The following URB2 variants were observed in gnomAD, a reference collection of about 807,000 sequenced individuals.
URB2 encodes unhealthy ribosome biogenesis protein 2 homolog.
URB2 carries 86 observed loss-of-function variants against 120.9 expected under a neutral mutation model. The ratio of observed to expected loss-of-function variants is 0.71; its 90% CI spans 0.60 to 0.85. The LOEUF (loss-of-function observed/expected upper bound fraction) is 0.85, where lower values mean the gene tolerates loss of function less well. Among genes scored for constraint, URB2 ranks in the 40% least tolerant of loss-of-function variants. The pLI is 0.00. For missense variants in URB2, 1,765 were observed against 1,836.5 expected, an observed-to-expected ratio of 0.96 and a Z score of 0.71; for synonymous variants, 755 against 758.4, an observed-to-expected ratio of 1.00 and a Z score of 0.07.
chr1:229,641,617 C>T (rs1219695167), intron 4 of URB2, among the ~76,000 whole-genome samples: 1 of 152,190 alleles, frequency 6.6e-6, no homozygotes, highest in Non-Finnish European at 1.5e-5. Flanking sequence ...GTGCCCCAGC[C>T]ATGGAGTTCT....
intron 2 of URB2, among the ~76,000 whole-genome samples, 176 bp from the exon 3 acceptor site, chr1:229,632,093 T>G (rs1326949522): frequency 6.6e-6 from 1 of 152,186 alleles, no homozygotes; most frequent in East Asian, 1.9e-4. Context: ...TAATAAACAT[T>G]TTAAAATACC....
chr1:229,645,794 C>T, intron 5 of URB2, 65 bp from the exon 6 acceptor site: 1 of 1,381,226 alleles, frequency 7.2e-7, no homozygotes, highest in Non-Finnish European at 1.0e-6. Flanking sequence ...GTCTTCTTCC[C>T]CAGGCGGAGT....
chr1:229,648,760 GCTGA>G (rs1328758234), intron 7 of URB2, among the ~76,000 whole-genome samples: 1 of 152,212 alleles, frequency 6.6e-6, no homozygotes, highest in Non-Finnish European at 1.5e-5. Flanking sequence ...TGTATGTGTG[GCTGA>G]CTATGTATGT....
At position 229,654,820 on chromosome 1, in the gene URB2, A is replaced by G. The variant is rs79348618; in HGVS notation, c.4377+432A>G. On this transcript the variant is annotated intron_variant, in intron 9 of 9. Transcript: ENST00000258243. ...CCTACAGGGTTATTGTAAGGACCAA[A>G]TGAAATGACATACAGAGGGCTCAGT... Among the ~76,000 whole-genome samples, 774 of 152,336 alleles carry G rather than the reference A, an allele frequency of 5.1e-3. 3 individuals are homozygous for G. Among genetic ancestry groups the G allele is most frequent in the Non-Finnish European group, 8.4e-3 (571 of 68,034 alleles).
rs1412690822 is a variant in URB2 at position 229,637,574 on chromosome 1, T to C, written c.2961T>C (p.Ile987=). 6.2e-7 allele frequency: 1 copy of C among 1,614,216 alleles called. No homozygotes were observed. The highest frequency in any genetic ancestry group is 1.1e-5 in the South Asian group (1 of 91,076). Reference sequence around the variant, plus strand: ...TCAGAGCTAGTAGTAGGTTCCTTATTGAGATGGATGATCCCGCTTGGCTGG... The same window carrying C: ...TCAGAGCTAGTAGTAGGTTCCTTATCGAGATGGATGATCCCGCTTGGCTGG... ...SLFRASSRFL[I]EMDDPAWLEF... The change falls in exon 4 of 10, where the codon ATT becomes ATC. Residue 987 remains isoleucine, a synonymous_variant. Transcript: ENST00000258243.
rs941858772 is a variant in URB2 at position 229,635,474 on chromosome 1, TGCTG to T, written c.865_868del (p.Gly289ThrfsTer23). 4 of 1,612,882 alleles carry T rather than the reference TGCTG, an allele frequency of 2.5e-6. No individual in the cohort carries two copies. Among genetic ancestry groups the T allele is most frequent in the Non-Finnish European group, 3.4e-6 (4 of 1,179,248 alleles). The stretch of plus-strand genomic sequence containing the variant: ...ACACCGTGCTTAACAGGCTGGTTGA[TGCTG>T]GCTACTGTGCAGCATCCCTTCATAC... On this transcript the variant is annotated frameshift_variant, in exon 4 of 10. Transcript: ENST00000258243. LOFTEE classifies it high-confidence loss of function.
intron 2 of URB2, among the ~76,000 whole-genome samples, chr1:229,631,795 C>T (rs756393424): frequency 6.6e-6 from 1 of 152,074 alleles, no homozygotes; most frequent in African/African-American, 2.4e-5. Context: ...AGTACCTTAA[C>T]AAATATAAGA....
At position 229,636,200 on chromosome 1, in the gene URB2, G is replaced by T; in HGVS notation, c.1587G>T (p.Leu529Phe). ...TCCAGTCTTTAGTCTTGCCCTATTT[G>T]CAGAGTGATGCCGACATGGCCCTGA... is the stretch of plus-strand genomic sequence containing the variant. Reference protein sequence around the residue: ...EKFQSLVLPYLQSDADMALKS... With the variant: ...EKFQSLVLPYFQSDADMALKS... Residue 529 changes from leucine (L) to phenylalanine (F), a missense_variant, in exon 4 of 10, where the codon TTG becomes TTT. Physicochemically the swap from Leu to Phe is conservative, Grantham distance 22 (BLOSUM62 0). Coordinates refer to ENST00000258243, the MANE Select transcript of URB2 (RefSeq NM_014777.4). 1.2e-6 allele frequency: 2 copies of T among 1,613,474 alleles called. No individual in the cohort carries two copies. The highest frequency in any genetic ancestry group is 1.7e-6 in the Non-Finnish European group (2 of 1,179,414).
In URB2 at chr1:229,637,787, G is replaced by A. The variant is rs1665886789; in HGVS notation, c.3174G>A (p.Val1058=). 6.2e-7 allele frequency: 1 copy of A among 1,613,846 alleles called. No individual in the cohort carries two copies. The highest frequency in any genetic ancestry group is 1.1e-5 in the South Asian group (1 of 91,086). Residue 1058 remains valine (V), a synonymous_variant, in exon 4 of 10, where the codon GTG becomes GTA. Coordinates refer to ENST00000258243, the MANE Select transcript of URB2 (RefSeq NM_014777.4). ...QNPQGRQLLL[V]SLTRLCHVLG... ...CCCAGGGCAGGCAGCTCCTTCTGGT[G>A]TCTTTAACCAGGTTGTGCCATGTCC...
At chr1:229,626,555 C>T (rs1451931302) in intron 1 of URB2, among the ~76,000 whole-genome samples, 199 bp downstream of exon 1, 1 of 152,244 alleles carries the variant, frequency 6.6e-6, no homozygotes, top group African/African-American at 2.4e-5. Flanking sequence ...CGAAGGCGAA[C>T]TCCCTCCTGG....
intron 8 of URB2, among the ~76,000 whole-genome samples, chr1:229,654,048 G>A (rs907734951): frequency 3.4e-5 from 5 of 145,484 alleles, no homozygotes; most frequent in Admixed American, 1.4e-4. Context: ...GTTTTTTAAA[G>A]TGTCCTTCCC....
rs1032452606 is a variant in URB2, at chr1:229,638,253, A to G, written c.3634+6A>G. On this transcript the variant is annotated splice_donor_region_variant and intron_variant, in intron 4 of 9. Transcript: ENST00000258243. ...TGTGAGAAGAGTTCTTGCAGGTAAG[A>G]TATTTTCTCTTGAGCTAATTCTGTG... 2.5e-6 allele frequency: 4 copies of G among 1,582,832 alleles called. No homozygotes were observed. Among genetic ancestry groups the G allele is most frequent in the Non-Finnish European group, 3.4e-6 (4 of 1,165,830 alleles).
In URB2 at chr1:229,636,762, CAG is replaced by C. The variant is rs775243461; in HGVS notation, c.2153_2154del (p.Arg718AsnfsTer40). On this transcript the variant is annotated frameshift_variant, in exon 4 of 10. Transcript: ENST00000258243. LOFTEE classifies it high-confidence loss of function. ...IIGSGRKSLN[Q>X]RTTASWDGQV... ...TGGTTCCGGCAGAAAAAGCTTGAAT[CAG>C]AGAACGACGGCTTCCTGGGATGGCC... The C allele has an allele frequency of 8.1e-6, 13 of 1,611,942 alleles. No individual in the cohort carries two copies. The highest frequency in any genetic ancestry group is 1.3e-5 in the African/African-American group (1 of 74,860).
intron 8 of URB2, among the ~76,000 whole-genome samples, chr1:229,652,106 C>T (rs971258006): frequency 4.0e-5 from 6 of 151,656 alleles, no homozygotes; most frequent in South Asian, 2.1e-4. Flanking sequence ...TGCTTGAGCC[C>T]GGGAGGCGGA....
rs760578029 is a variant in URB2, at chr1:229,635,188, G to A, written c.575G>A (p.Arg192His). 1.5e-5 allele frequency: 24 copies of A among 1,614,134 alleles called. No individual in the cohort carries two copies. In the South Asian group the frequency reaches 1.5e-4, roughly 10 times the overall value. The stretch of plus-strand genomic sequence containing the variant: ...CTGCAGCAGCAGGTCAACCCAAGAC[G>A]TGCCTTTGGGGATGTGACTGCTCAC... ...LILQQQVNPR[R>H]AFGDVTAHLL... Residue 192 changes from arginine to histidine, a missense_variant, in exon 4 of 10, where the codon CGT becomes CAT. By Grantham distance (29) the Arg-to-His change is conservative. Transcript: ENST00000258243.
rs1449443867 is a variant in URB2 at position 229,659,258 on chromosome 1, C to A, written c.4536C>A (p.His1512Gln). ...TCTATAATGACTATCTCAAGTACCA[C>A]AAGGCCAAACATGAAGGAGAGAAAA... ...KELYNDYLKY[H>Q]KAKHEGEKRY... The change falls in exon 10 of 10, where the codon CAC becomes CAA. Residue 1512 changes from histidine (H) to glutamine (Q), a missense_variant. Transcript: ENST00000258243. 1 of 1,614,000 alleles carries A rather than the reference C, an allele frequency of 6.2e-7. No homozygotes were observed. The highest frequency in any genetic ancestry group is 1.7e-5 in the Admixed American group (1 of 60,012).
At chr1:229,657,919 A>G (rs535715294) in intron 9 of URB2, among the ~76,000 whole-genome samples, 49 of 152,342 alleles carry the variant, frequency 3.2e-4, no homozygotes, top group African/African-American at 1.2e-3. Flanking sequence ...GTTTGCAGAG[A>G]CACATTAACC....
At position 229,637,522 on chromosome 1, in the gene URB2, T is replaced by C; in HGVS notation, c.2909T>C (p.Ile970Thr). The change falls in exon 4 of 10, where the codon ATT (isoleucine) becomes ACT (threonine). Residue 970 changes from isoleucine (I) to threonine (T), a missense_variant. Transcript: ENST00000258243. ...TTCAAGATCATGTATGGTAGTGATATTTTTGAGGTTGTACTGACCTCATTG... is the reference window on the plus strand; with the variant it reads ...TTCAAGATCATGTATGGTAGTGATACTTTTGAGGTTGTACTGACCTCATTG... ...SVFKIMYGSD[I>T]FEVVLTSLFR... 1 of 1,614,210 alleles carries C rather than the reference T, an allele frequency of 6.2e-7. No homozygotes were observed. The highest frequency in any genetic ancestry group is 8.5e-7 in the Non-Finnish European group (1 of 1,180,036).
In URB2 at chr1:229,637,411, GCTC is replaced by G. The variant is rs1220361988; in HGVS notation, c.2805_2807del (p.Ser936del). 5.0e-6 allele frequency: 8 copies of G among 1,614,054 alleles called. No individual in the cohort carries two copies. Among genetic ancestry groups the G allele is most frequent in the Admixed American group, 1.7e-5 (1 of 60,004 alleles). ...GCCGTCACCAAACTAGGATGCTCTT[GCTC>G]CTCCTCACTGGCTCTCAAGTTCTTG... On this transcript the variant is annotated inframe_deletion, in exon 4 of 10. Coordinates refer to ENST00000258243, the MANE Select transcript of URB2 (RefSeq NM_014777.4).
Sources: gnomAD v4.1 joint callset for allele counts (sites outside exome capture counted in the v4.1 genomes callset) on GRCh38, gnomAD v4.1.1 for gene constraint, MANE v1.5 for transcripts, NCBI Gene and HGNC (gene_info 2026-07-23, HGNC 2026-07-21) for gene names.